The following ANO4 variants were observed in gnomAD, a reference collection of about 807,000 sequenced individuals.
ANO4 encodes the protein anoctamin 4, also known as anoctamin-4.
Under a neutral mutation model 141.9 loss-of-function variants are expected in ANO4, and 69 were observed. That is an observed-to-expected ratio of 0.49 (90% CI 0.40 to 0.59). ANO4 has a LOEUF of 0.59. ANO4 is among the 20% of genes least tolerant of loss of function. ANO4 has a pLI of 0.00. For synonymous variants in ANO4, 350 were observed against 394.3 expected, an observed-to-expected ratio of 0.89 and a Z score of 1.33; for missense variants, 894 against 1,162.2, an observed-to-expected ratio of 0.77 and a Z score of 3.36.
chr12:100,938,034 T>C lies in ANO4; in HGVS notation c.161-1281T>C, dbSNP rs763120091. Among the ~76,000 whole-genome samples the C allele has an allele frequency of 1.1e-4, 16 of 152,220 alleles. 1 individual carries two copies. The highest frequency in any genetic ancestry group is 2.0e-4 in the Admixed American group (3 of 15,276). On this transcript the variant is annotated intron_variant, in intron 3 of 27. Transcript: ENST00000392977. ...ATATTAACACGTTCTAGGAATCAGA[T>C]CACCTTTGGGGGGGTCATAATTCAC...
chr12:100,803,268 AGAG>A (rs1257920557), intron 1 of ANO4, among the ~76,000 whole-genome samples: 1 of 152,216 alleles, frequency 6.6e-6, no homozygotes, highest in African/African-American at 2.4e-5. Context: ...GAGCTCATTC[AGAG>A]AAGAGACGGG....
chr12:101,018,517 C>T (rs1468365009), intron 8 of ANO4, among the ~76,000 whole-genome samples: 3 of 152,180 alleles, frequency 2.0e-5, no homozygotes, highest in Non-Finnish European at 2.9e-5. Flanking sequence ...CCCAAAGTCA[C>T]ATTTCCAGCC....
chr12:100,865,980 C>T (rs991847782), intron 1 of ANO4, among the ~76,000 whole-genome samples: 2 of 152,172 alleles, frequency 1.3e-5, no homozygotes, highest in African/African-American at 4.8e-5. Flanking sequence ...TGACATCTCT[C>T]TCCCTTAGCT....
intron 22 of ANO4, among the ~76,000 whole-genome samples, chr12:101,105,523 T>C (rs1337646829): frequency 1.3e-5 from 2 of 152,338 alleles, no homozygotes; most frequent in East Asian, 3.9e-4. Context: ...CAGGCCATAG[T>C]TTGCTGACCC....
At chr12:100,757,422 A>G (rs972733432) in intron 3 of ANO4, among the ~76,000 whole-genome samples, 5 of 152,198 alleles carry the variant, frequency 3.3e-5, no homozygotes, top group South Asian at 4.1e-4. Context: ...AACAAAGTTT[A>G]TTCTCTGTAA....
chr12:100,798,986 CAGGGGACCTCCTCTGAGTGTCAGAGAGGG>C, intron 1 of ANO4, among the ~76,000 whole-genome samples: 2 of 152,270 alleles, frequency 1.3e-5, no homozygotes, highest in Middle Eastern at 3.4e-3. Flanking sequence ...TGGTCCCCCA[CAGGGGACCTCCTCTGAGTGTCAGAGAGGG>C]AGTGAGTGTC....
intron 8 of ANO4, among the ~76,000 whole-genome samples, chr12:100,999,300 C>T (rs902271170): frequency 6.6e-6 from 1 of 152,216 alleles, no homozygotes. Context: ...TAGCCCATGG[C>T]TTCTTCCTTT....
chr12:100,718,610 TA>T (rs2030719842), intron 1 of ANO4, among the ~76,000 whole-genome samples: 1 of 152,202 alleles, frequency 6.6e-6, no homozygotes, highest in South Asian at 2.1e-4. Flanking sequence ...TTAAATTGTT[TA>T]AAATGATCAT....
chr12:100,866,395 T>A (rs1309275758), intron 1 of ANO4, among the ~76,000 whole-genome samples: 1 of 152,156 alleles, frequency 6.6e-6, no homozygotes, highest in African/African-American at 2.4e-5. Flanking sequence ...CTTCTCCAGC[T>A]CCTCAGCTGG....
At chr12:101,024,190 G>C (rs1191104513) in intron 9 of ANO4, among the ~76,000 whole-genome samples, 1 of 152,200 alleles carries the variant, frequency 6.6e-6, no homozygotes, top group African/African-American at 2.4e-5. Flanking sequence ...AAATTGATTT[G>C]TATTTTTGAA....
chr12:100,769,190 A>G (rs1001736243), intron 3 of ANO4, among the ~76,000 whole-genome samples: 1 of 152,234 alleles, frequency 6.6e-6, no homozygotes, highest in Non-Finnish European at 1.5e-5. Context: ...TTTAATTACA[A>G]AATTATTCAT....
At chr12:101,098,328 G>A (rs2050065204) in intron 21 of ANO4, among the ~76,000 whole-genome samples, 1 of 152,322 alleles carries the variant, frequency 6.6e-6, no homozygotes, top group Admixed American at 6.5e-5. Flanking sequence ...GTGATAAGAT[G>A]TTGACAACAA....
chr12:100,849,297 T>C (rs2037742817), intron 1 of ANO4, among the ~76,000 whole-genome samples: 1 of 152,220 alleles, frequency 6.6e-6, no homozygotes, highest in South Asian at 2.1e-4. Context: ...AATTGTTCTG[T>C]ATGTATTTTC....
intron 19 of ANO4, among the ~76,000 whole-genome samples, chr12:101,096,965 G>A (rs1271743370): frequency 6.6e-6 from 1 of 152,120 alleles, no homozygotes; most frequent in African/African-American, 2.4e-5. Context: ...CACCTATGAC[G>A]GCAGGTGGTA....
At chr12:100,817,653 T>G (rs1045454669) in intron 1 of ANO4, among the ~76,000 whole-genome samples, 33 of 151,912 alleles carry the variant, frequency 2.2e-4, no homozygotes, top group African/African-American at 6.8e-4. Context: ...AACTGGTCAT[T>G]GATTTTCATA....
chr12:100,891,344 A>G (rs1345221624), intron 1 of ANO4, among the ~76,000 whole-genome samples: 1 of 152,188 alleles, frequency 6.6e-6, no homozygotes, highest in Non-Finnish European at 1.5e-5. Flanking sequence ...ACCAAGGTGC[A>G]TGATTGCTGG....
intron 2 of ANO4, among the ~76,000 whole-genome samples, chr12:100,904,443 T>C (rs1232904234): frequency 2.6e-5 from 4 of 152,186 alleles, no homozygotes; most frequent in Non-Finnish European, 4.4e-5. Flanking sequence ...ATATTAAACA[T>C]GGTGATCAGG....
chr12:100,918,346 T>G (rs1431945455), intron 2 of ANO4, among the ~76,000 whole-genome samples: 2 of 152,200 alleles, frequency 1.3e-5, no homozygotes, highest in African/African-American at 4.8e-5. Context: ...TTTTTATTCT[T>G]ATTGTGAAAA....
chr12:100,766,249 C>A (rs1309347418), intron 3 of ANO4, among the ~76,000 whole-genome samples: 2 of 151,906 alleles, frequency 1.3e-5, no homozygotes, highest in Admixed American at 1.3e-4. Flanking sequence ...GCTCTTATTT[C>A]TTTATGCTTT....
Sources: gnomAD v4.1 joint callset for allele counts (sites outside exome capture counted in the v4.1 genomes callset) on GRCh38, gnomAD v4.1.1 for gene constraint, MANE v1.5 for transcripts, NCBI Gene and HGNC (gene_info 2026-07-23, HGNC 2026-07-21) for gene names.